The following CNTN5 variants were observed in gnomAD, a reference collection of about 807,000 sequenced individuals.
CNTN5 encodes the protein contactin 5.
A neutral mutation model predicts 129.1 loss-of-function variants in CNTN5; 77 were observed. The observed-to-expected ratio is 0.60, with a 90% CI of 0.50 to 0.72. CNTN5 has a LOEUF of 0.72. Ranked by LOEUF, CNTN5 falls within the 30% of genes least tolerant of loss-of-function variation. The pLI, the probability that CNTN5 is intolerant of heterozygous loss-of-function variation, is 0.00. For synonymous variants in CNTN5, 509 were observed against 465.6 expected, an observed-to-expected ratio of 1.09 and a Z score of -1.20; for missense variants, 1,478 against 1,328.8, an observed-to-expected ratio of 1.11 and a Z score of -1.75.
intron 17 of CNTN5, among the ~76,000 whole-genome samples, chr11:100,267,633 G>A (rs547511392): frequency 7.2e-5 from 11 of 152,240 alleles, no homozygotes; most frequent in Admixed American, 7.2e-4. Flanking sequence ...AACATGATAT[G>A]CAAGAGCATT....
chr11:99,407,199 A>G (rs1246301924), intron 2 of CNTN5, among the ~76,000 whole-genome samples: 1 of 150,002 alleles, frequency 6.7e-6, no homozygotes, highest in Non-Finnish European at 1.5e-5. Flanking sequence ...GTCTCATGAA[A>G]AGCCCTAAAC....
At chr11:99,403,712 G>C (rs1298038490) in intron 2 of CNTN5, among the ~76,000 whole-genome samples, 1 of 152,104 alleles carries the variant, frequency 6.6e-6, no homozygotes, top group Non-Finnish European at 1.5e-5. Context: ...ATAGTAGTTA[G>C]AGAAGATCCT....
intron 2 of CNTN5, among the ~76,000 whole-genome samples, chr11:99,342,207 A>C (rs1866544187): frequency 6.6e-6 from 1 of 152,126 alleles, no homozygotes; most frequent in South Asian, 2.1e-4. Context: ...CAGACTTTAA[A>C]ATATTTTAAA....
chr11:99,485,790 A>T (rs1205305204), intron 2 of CNTN5, among the ~76,000 whole-genome samples: 1 of 152,054 alleles, frequency 6.6e-6, no homozygotes. Flanking sequence ...AATTTCTCAC[A>T]GTATTCTTTA....
rs185633579 is a variant in CNTN5 at position 99,334,642 on chromosome 11, G to A, written c.-71+9158G>A. ...CAATAAAGATAGCTACTAGCCACAT[G>A]TGGCTATTGAATCCTTGTAATGGGG... On this transcript the variant is annotated intron_variant, in intron 2 of 24. Transcript: ENST00000524871. Among the ~76,000 whole-genome samples, 1,062 of 152,146 alleles carry A rather than the reference G, an allele frequency of 7.0e-3. 10 individuals are homozygous for A. Among genetic ancestry groups the A allele is most frequent in the Non-Finnish European group, 0.011 (750 of 67,966 alleles).
At chr11:99,535,084 T>G (rs1429710375) in intron 2 of CNTN5, among the ~76,000 whole-genome samples, 2 of 152,192 alleles carry the variant, frequency 1.3e-5, no homozygotes, top group Non-Finnish European at 2.9e-5. Context: ...TAGTCTGCAC[T>G]AATGCTGAAG....
intron 2 of CNTN5, among the ~76,000 whole-genome samples, chr11:99,388,749 A>T (rs1565541858): frequency 6.6e-6 from 1 of 152,172 alleles, no homozygotes; most frequent in African/African-American, 2.4e-5. Flanking sequence ...TTAGGGCTAA[A>T]TCTGCAGTTA....
chr11:99,589,514 T>A (rs1389222757), intron 3 of CNTN5, among the ~76,000 whole-genome samples: 1 of 152,184 alleles, frequency 6.6e-6, no homozygotes, highest in Non-Finnish European at 1.5e-5. Flanking sequence ...CTTGAAGAAA[T>A]ATACTAATAG....
chr11:99,757,676 G>A (rs964085163), intron 3 of CNTN5, among the ~76,000 whole-genome samples: 1 of 151,930 alleles, frequency 6.6e-6, no homozygotes, highest in Admixed American at 6.6e-5. Flanking sequence ...TTTTGGGGAG[G>A]GTATTACTCT....
chr11:99,869,534 C>A (rs1948446669), intron 6 of CNTN5, among the ~76,000 whole-genome samples: 1 of 152,080 alleles, frequency 6.6e-6, no homozygotes, highest in Non-Finnish European at 1.5e-5. Context: ...CTATCCACTG[C>A]CTAAATGTCC....
At chr11:99,846,333 G>T (rs942101334) in intron 6 of CNTN5, among the ~76,000 whole-genome samples, 1 of 142,340 alleles carries the variant, frequency 7.0e-6, no homozygotes, top group African/African-American at 2.6e-5. Context: ...ACTCCAGCCT[G>T]GGCGACAGAG....
rs554670605 is a variant in CNTN5 at position 99,753,191 on chromosome 11, C to A, written c.56-66353C>A. ...AGGCTGGAGTACGGTGGCGAGATCT[C>A]GACTCACTGCAAGCGCTGCCTTCCG... On this transcript the variant is annotated intron_variant, in intron 3 of 24. Coordinates refer to ENST00000524871, the MANE Select transcript of CNTN5 (RefSeq NM_014361.4). Among the ~76,000 whole-genome samples, 4 of 133,956 alleles carry A rather than the reference C, an allele frequency of 3.0e-5. No individual in the cohort carries two copies. The East Asian group carries it at 1.0e-3, about 34-fold the overall frequency. 87.9% of individuals were successfully genotyped at this position (133,956 alleles called of 152,430 possible). A position where few individuals can be genotyped will look rare whatever the true frequency, so the allele number is the denominator to read the frequency against.
chr11:100,203,483 A>T (rs1948831841), intron 15 of CNTN5, among the ~76,000 whole-genome samples: 1 of 152,028 alleles, frequency 6.6e-6, no homozygotes, highest in Middle Eastern at 3.2e-3. Flanking sequence ...GTTCTTAATA[A>T]GTATGCATTT....
chr11:99,269,365 C>T (rs1471119057), intron 1 of CNTN5, among the ~76,000 whole-genome samples: 2 of 148,672 alleles, frequency 1.3e-5, no homozygotes, highest in African/African-American at 5.0e-5. Flanking sequence ...TTTTTTAAAT[C>T]GTGGGGGAGA....
intron 3 of CNTN5, among the ~76,000 whole-genome samples, chr11:99,670,309 T>G (rs1234929110): frequency 2.0e-5 from 3 of 152,154 alleles, no homozygotes; most frequent in Non-Finnish European, 2.9e-5. Flanking sequence ...ATTAGGCTAT[T>G]TAAAGAAATC....
At chr11:99,099,549 TACACACACAC>T (rs57981357) in intron 1 of CNTN5, among the ~76,000 whole-genome samples, 128 of 149,746 alleles carry the variant, frequency 8.5e-4, no homozygotes, top group African/African-American at 2.3e-3. Flanking sequence ...ATAATGTGTA[TACACACACAC>T]ACACACACAC....
intron 24 of CNTN5, among the ~76,000 whole-genome samples, chr11:100,355,160 C>A (rs1415089925): frequency 6.6e-6 from 1 of 151,648 alleles, no homozygotes; most frequent in Non-Finnish European, 1.5e-5. Flanking sequence ...AAAACATTTT[C>A]TTTATATCTG....
intron 6 of CNTN5, among the ~76,000 whole-genome samples, chr11:99,873,603 A>G: frequency 6.6e-6 from 1 of 152,152 alleles, no homozygotes; most frequent in Non-Finnish European, 1.5e-5. Context: ...GAACACTCAT[A>G]CACTGTTGGT....
chr11:100,187,181 A>T (rs963962774), intron 13 of CNTN5, among the ~76,000 whole-genome samples: 5 of 152,010 alleles, frequency 3.3e-5, no homozygotes, highest in African/African-American at 1.2e-4. Flanking sequence ...TATGTTCTTC[A>T]TTTCACTCTT....
Sources: allele counts gnomAD v4.1 joint callset (sites outside exome capture counted in the v4.1 genomes callset), GRCh38; gene constraint gnomAD v4.1.1; transcripts MANE v1.5; gene names NCBI Gene and HGNC (gene_info 2026-07-23, HGNC 2026-07-21).